The following POT1 variants were observed in gnomAD, a reference collection of about 807,000 sequenced individuals.
POT1 encodes protection of telomeres 1.
POT1 carries 47 observed loss-of-function variants against 78.5 expected under a neutral mutation model. The observed-to-expected ratio is 0.60, with a 90% CI of 0.47 to 0.76. POT1 has a LOEUF of 0.76. POT1 is among the 30% of genes least tolerant of loss of function. The probability of loss-of-function intolerance (pLI) is 0.00; values close to 1 mark genes in which losing one functional copy is unlikely to be tolerated. For missense variants in POT1, 646 were observed against 749.9 expected (o/e 0.86, Z 1.62); for synonymous variants, 259 against 260.7 (o/e 0.99, Z 0.06).
intron 15 of POT1, 128 bp downstream of exon 15, chr7:124,835,151 G>T: frequency 2.7e-6 from 3 of 1,120,576 alleles, no homozygotes; most frequent in Non-Finnish European, 3.8e-6. Flanking sequence ...CAGGTGACGG[G>T]TTGATGGGTG....
At chr7:124,913,225 G>A (rs1261463005) in intron 3 of POT1, among the ~76,000 whole-genome samples, 1 of 152,146 alleles carries the variant, frequency 6.6e-6, no homozygotes, top group Non-Finnish European at 1.5e-5. Context: ...GATGAGATGT[G>A]GGTGGGGACA....
At chr7:124,825,565 G>A (rs1011476660) in intron 17 of POT1, among the ~76,000 whole-genome samples, 2 of 151,734 alleles carry the variant, frequency 1.3e-5, no homozygotes, top group African/African-American at 2.4e-5. Flanking sequence ...TGAGATACAC[G>A]TAATCAAGTA....
chr7:124,900,598 G>A (rs545956271), intron 3 of POT1, among the ~76,000 whole-genome samples: 8 of 152,088 alleles, frequency 5.3e-5, no homozygotes, highest in Non-Finnish European at 7.4e-5. Context: ...CGCAGAAGAC[G>A]GGTGATTTCT....
chr7:124,911,856 C>A (rs1318569876), intron 3 of POT1, among the ~76,000 whole-genome samples: 2 of 152,064 alleles, frequency 1.3e-5, no homozygotes, highest in Admixed American at 6.6e-5. Flanking sequence ...AAAATGGTAC[C>A]ATTTCTCAAG....
chr7:124,835,671 T>C (rs1584753595), intron 14 of POT1, among the ~76,000 whole-genome samples: 1 of 152,150 alleles, frequency 6.6e-6, no homozygotes, highest in Non-Finnish European at 1.5e-5. Flanking sequence ...TTTAAACAAA[T>C]TGCTCTTTAT....
At chr7:124,924,353 T>C (rs923736478) in intron 2 of POT1, among the ~76,000 whole-genome samples, 4 of 152,056 alleles carry the variant, frequency 2.6e-5, no homozygotes, top group East Asian at 1.9e-4. Context: ...TGTATAACTA[T>C]ATGCCCATAA....
rs1314501651 is a variant in POT1 at position 124,852,932 on chromosome 7, T to C, written c.869+40A>G. 7 of 1,566,514 alleles carry C rather than the reference T, an allele frequency of 4.5e-6. No homozygotes were observed. The Admixed American group carries it at 1.2e-4, about 27-fold the overall frequency. ...AATATTATCTTAGAAATCGGCTTAA[T>C]CGATACCTTATTTACATTTTCTAAA... On this transcript the variant is annotated intron_variant, in intron 10 of 18. Transcript: ENST00000357628.
intron 12 of POT1, among the ~76,000 whole-genome samples, chr7:124,846,162 G>GACACAC (rs60301966): frequency 0.019 from 2,795 of 148,792 alleles, 73 homozygotes; most frequent in African/African-American, 0.06. Flanking sequence ...CATTCATACT[G>GACACAC]ACACACACAC....
chr7:124,892,175 C>T (rs1796387721), intron 6 of POT1, 91 bp downstream of exon 6: 2 of 749,066 alleles, frequency 2.7e-6, no homozygotes, highest in Admixed American at 6.0e-5. Flanking sequence ...AACTGAGCTT[C>T]TATTCTAGGA....
At chr7:124,854,196 T>C (rs939815617) in intron 9 of POT1, among the ~76,000 whole-genome samples, 1 of 152,044 alleles carries the variant, frequency 6.6e-6, no homozygotes, top group South Asian at 2.1e-4. Context: ...TAATGAGCTA[T>C]CTTAGAGATG....
chr7:124,874,130 C>G (rs1795933741), intron 6 of POT1, among the ~76,000 whole-genome samples: 1 of 152,140 alleles, frequency 6.6e-6, no homozygotes, highest in Admixed American at 6.5e-5. Context: ...AGGCTCTTTT[C>G]CAAGGGGGCT....
chr7:124,858,223 T>C (rs2116522296), intron 9 of POT1, among the ~76,000 whole-genome samples: 1 of 152,326 alleles, frequency 6.6e-6, no homozygotes, highest in Non-Finnish European at 1.5e-5. Flanking sequence ...TAGAACGAGA[T>C]GACTACCATC....
intron 16 of POT1, among the ~76,000 whole-genome samples, chr7:124,828,290 C>G (rs1794679691): frequency 6.6e-6 from 1 of 151,996 alleles, no homozygotes; most frequent in African/African-American, 2.4e-5. Flanking sequence ...ACAAGAATGT[C>G]AGAATCTGAG....
intron 13 of POT1, among the ~76,000 whole-genome samples, chr7:124,841,827 G>A (rs1038585678): frequency 3.3e-5 from 5 of 151,792 alleles, no homozygotes; most frequent in Admixed American, 2.6e-4. Context: ...AAAGCTGTAT[G>A]ATTTTACAAA....
chr7:124,914,249 A>T (rs1339856249), intron 3 of POT1, among the ~76,000 whole-genome samples: 1 of 151,984 alleles, frequency 6.6e-6, no homozygotes, highest in African/African-American at 2.4e-5. Flanking sequence ...GCTCTGTGAT[A>T]AGTTTTGAAA....
At chr7:124,905,039 G>T (rs566113656) in intron 3 of POT1, among the ~76,000 whole-genome samples, 110 of 152,284 alleles carry the variant, frequency 7.2e-4, no homozygotes, top group African/African-American at 2.4e-3. Context: ...GGATAGAAAA[G>T]AATCAGTATC....
chr7:124,888,047 G>A (rs1796286901), intron 6 of POT1, among the ~76,000 whole-genome samples: 1 of 151,914 alleles, frequency 6.6e-6, no homozygotes, highest in Non-Finnish European at 1.5e-5. Flanking sequence ...TAAAATCATG[G>A]CCAGGGCCAG....
At chr7:124,866,017 T>C (rs1014764275) in intron 7 of POT1, among the ~76,000 whole-genome samples, 2 of 152,198 alleles carry the variant, frequency 1.3e-5, no homozygotes, top group Non-Finnish European at 2.9e-5. Context: ...TGCTATACTG[T>C]AAAGACTCTG....
intron 10 of POT1, 57 bp from the exon 11 acceptor site, chr7:124,852,008 T>TAGATTC: frequency 8.4e-7 from 1 of 1,195,680 alleles, no homozygotes; most frequent in South Asian, 1.3e-5. Context: ...TATAGTAAAT[T>TAGATTC]TAGCTCTACC....
Sources: gnomAD v4.1 joint callset for allele counts (sites outside exome capture counted in the v4.1 genomes callset) on GRCh38, gnomAD v4.1.1 for gene constraint, MANE v1.5 for transcripts, NCBI Gene and HGNC (gene_info 2026-07-23, HGNC 2026-07-21) for gene names.